DLG2: variants seen among roughly 807,000 people sequenced by gnomAD.
DLG2 encodes discs large MAGUK scaffold protein 2, also known as disks large homolog 2.
Under a neutral mutation model 132.5 loss-of-function variants are expected in DLG2, and 45 were observed. The ratio of observed to expected loss-of-function variants is 0.34; its 90% CI spans 0.27 to 0.44. The LOEUF (loss-of-function observed/expected upper bound fraction) is 0.44, where lower values mean the gene tolerates loss of function less well. DLG2 is among the 20% of genes least tolerant of loss of function. The pLI is 1.00. For synonymous variants in DLG2, 424 were observed against 419.6 expected (o/e 1.01, Z -0.13); for missense variants, 1,045 against 1,196.9 (o/e 0.87, Z 1.87).
intron 19 of DLG2, among the ~76,000 whole-genome samples, chr11:83,609,312 T>C (rs1218105231): frequency 6.6e-6 from 1 of 152,206 alleles, no homozygotes; most frequent in African/African-American, 2.4e-5. Flanking sequence ...TCCAGCCTTG[T>C]AGCCAACCTG....
chr11:85,407,798 A>G (rs1251490337), intron 3 of DLG2, among the ~76,000 whole-genome samples: 1 of 151,852 alleles, frequency 6.6e-6, no homozygotes, highest in African/African-American at 2.4e-5. Context: ...TGAGTCAGCC[A>G]TGAGTTATAG....
intron 6 of DLG2, among the ~76,000 whole-genome samples, chr11:84,621,259 T>C (rs1289175302): frequency 6.6e-6 from 1 of 152,160 alleles, no homozygotes; most frequent in East Asian, 1.9e-4. Flanking sequence ...CTATGGAAGT[T>C]TCTTTATAAA....
chr11:85,564,979 T>C (rs775958658), intron 3 of DLG2, among the ~76,000 whole-genome samples: 27 of 152,066 alleles, frequency 1.8e-4, no homozygotes, highest in Admixed American at 4.6e-4. Flanking sequence ...TCCCTAAATA[T>C]TTCATATTTT....
chr11:85,270,840 C>G lies in DLG2; in HGVS notation c.186+14380G>C, dbSNP rs754574380. On this transcript the variant is annotated intron_variant, in intron 4 of 27. Transcript: ENST00000376104. Reference sequence around the variant, plus strand: ...GCATCTGGCAGAATAAATTTCTAAGCAGCAAAGCATTCAAGAGGTGACTTG... The same window carrying G: ...GCATCTGGCAGAATAAATTTCTAAGGAGCAAAGCATTCAAGAGGTGACTTG... 2.6e-5 allele frequency among the ~76,000 whole-genome samples: 4 copies of G among 152,104 alleles called. No individual in the cohort carries two copies. The South Asian group carries it at 8.3e-4, about 32-fold the overall frequency.
chr11:83,565,298 A>G (rs1371086858), intron 19 of DLG2, among the ~76,000 whole-genome samples: 2 of 152,212 alleles, frequency 1.3e-5, no homozygotes, highest in African/African-American at 4.8e-5. Flanking sequence ...CACTCAGCAA[A>G]CAAAGCAAAA....
chr11:84,113,145 C>G (rs1461659372), intron 9 of DLG2, among the ~76,000 whole-genome samples: 1 of 152,116 alleles, frequency 6.6e-6, no homozygotes, highest in Non-Finnish European at 1.5e-5. Flanking sequence ...CTCCCATACA[C>G]TCACACAAAA....
At chr11:83,517,524 C>T (rs1016694921) in intron 21 of DLG2, among the ~76,000 whole-genome samples, 15 of 152,212 alleles carry the variant, frequency 9.9e-5, no homozygotes, top group South Asian at 2.1e-4. Flanking sequence ...CTCAACTCAT[C>T]GAAGTCAGTC....
chr11:85,230,439 A>G (rs916294180), intron 4 of DLG2, among the ~76,000 whole-genome samples: 18 of 151,842 alleles, frequency 1.2e-4, no homozygotes, highest in African/African-American at 4.3e-4. Flanking sequence ...TTAAATAAAC[A>G]TATTTATATA....
intron 6 of DLG2, among the ~76,000 whole-genome samples, chr11:84,964,636 C>A (rs1161121281): frequency 6.6e-6 from 1 of 152,068 alleles, no homozygotes; most frequent in Non-Finnish European, 1.5e-5. Context: ...ATTCAATGAG[C>A]ATTAAATGAA....
intron 18 of DLG2, among the ~76,000 whole-genome samples, chr11:83,756,316 T>C (rs1566841454): frequency 1.3e-5 from 2 of 151,508 alleles, no homozygotes; most frequent in East Asian, 3.8e-4. Context: ...AGATGGCAAA[T>C]AGCTATGAAC....
At chr11:85,449,153 T>A (rs1336904808) in intron 3 of DLG2, among the ~76,000 whole-genome samples, 2 of 152,146 alleles carry the variant, frequency 1.3e-5, no homozygotes, top group African/African-American at 4.8e-5. Context: ...CCTTTCCTTT[T>A]TCTATTTATT....
chr11:84,378,453 A>G (rs554955808), intron 7 of DLG2, among the ~76,000 whole-genome samples: 2 of 152,290 alleles, frequency 1.3e-5, no homozygotes, highest in South Asian at 4.1e-4. Flanking sequence ...TCAGTCTGTA[A>G]TATTTAGTCA....
At chr11:83,963,336 A>G (rs1216859100) in intron 13 of DLG2, among the ~76,000 whole-genome samples, 1 of 152,074 alleles carries the variant, frequency 6.6e-6, no homozygotes. Flanking sequence ...CTATTGAAAT[A>G]AAATGTTAGC....
intron 6 of DLG2, among the ~76,000 whole-genome samples, chr11:85,038,073 G>C (rs1055087989): frequency 7.2e-5 from 11 of 152,052 alleles, no homozygotes; most frequent in Non-Finnish European, 1.6e-4. Context: ...AATATTTTGT[G>C]TAGAGCCTGC....
chr11:84,784,293 C>T (rs1021793007), intron 6 of DLG2, among the ~76,000 whole-genome samples: 2 of 148,432 alleles, frequency 1.3e-5, no homozygotes, highest in Non-Finnish European at 3.0e-5. Flanking sequence ...GCATTTCAGC[C>T]TGGGCAACAA....
At chr11:84,107,939 A>G (rs2093081144) in intron 9 of DLG2, among the ~76,000 whole-genome samples, 2 of 152,186 alleles carry the variant, frequency 1.3e-5, no homozygotes, top group Non-Finnish European at 2.9e-5. Flanking sequence ...GTGGGATGCC[A>G]TCAACGTGTT....
intron 6 of DLG2, among the ~76,000 whole-genome samples, chr11:84,943,209 T>C (rs1264166295): frequency 1.3e-5 from 2 of 151,356 alleles, no homozygotes; most frequent in African/African-American, 4.9e-5. Flanking sequence ...TGTGTATCTA[T>C]TCAGCTACTC....
intron 7 of DLG2, among the ~76,000 whole-genome samples, chr11:84,318,796 C>A (rs1306733792): frequency 1.3e-5 from 2 of 152,116 alleles, no homozygotes; most frequent in Admixed American, 6.5e-5. Flanking sequence ...GTTTAGAGGG[C>A]AGGTTCTGGT....
chr11:84,541,937 T>C (rs1302811083), intron 6 of DLG2, among the ~76,000 whole-genome samples: 1 of 152,202 alleles, frequency 6.6e-6, no homozygotes, highest in Non-Finnish European at 1.5e-5. Flanking sequence ...GAATCTTACA[T>C]GTGCCTGATC....
Sources: allele counts gnomAD v4.1 joint callset (sites outside exome capture counted in the v4.1 genomes callset), GRCh38; gene constraint gnomAD v4.1.1; transcripts MANE v1.5; gene names NCBI Gene and HGNC (gene_info 2026-07-23, HGNC 2026-07-21).